GPRC5C: variants seen among roughly 807,000 people sequenced by gnomAD.
GPRC5C encodes G protein-coupled receptor family C group 5 member C.
In GPRC5C, 22 loss-of-function variants were observed where a neutral mutation model predicts 31.4. That is an observed-to-expected ratio of 0.70 (90% confidence interval 0.50 to 1.00). The LOEUF is 1.00. GPRC5C is among the 50% of genes least tolerant of loss of function. The pLI, the probability that GPRC5C is intolerant of heterozygous loss-of-function variation, is 0.00. For missense variants in GPRC5C, 557 were observed against 597.2 expected, an observed-to-expected ratio of 0.93 and a Z score of 0.70; for synonymous variants, 249 against 257.5, an observed-to-expected ratio of 0.97 and a Z score of 0.32.
intron 1 of GPRC5C, among the ~76,000 whole-genome samples, chr17:74,438,150 T>C (rs1032070729): frequency 7.0e-6 from 1 of 142,128 alleles, no homozygotes; most frequent in Non-Finnish European, 1.5e-5. Flanking sequence ...TCCTCTAACC[T>C]CAGCCTCCCA....
chr17:74,450,573 A>G (rs149442071), downstream of GPRC5C: 3 of 152,358 alleles, frequency 2.0e-5, no homozygotes, highest in South Asian at 2.1e-4. Context: ...AGACTGTGCT[A>G]TTTCCTGATG....
At chr17:74,449,730 A>C (rs2055694570), downstream of GPRC5C, 1 of 213,010 alleles carries the variant, frequency 4.7e-6, no homozygotes, top group Non-Finnish European at 9.6e-6. Context: ...CTCTGTGAAC[A>C]ACAGGCCTCA....
At chr17:74,435,167 C>G (rs1320012958) in intron 1 of GPRC5C, among the ~76,000 whole-genome samples, 1 of 152,064 alleles carries the variant, frequency 6.6e-6, no homozygotes, top group Non-Finnish European at 1.5e-5. Flanking sequence ...TGCAGTGAGC[C>G]GAGATCACGC....
intron 2 of GPRC5C, among the ~76,000 whole-genome samples, chr17:74,441,242 A>C (rs2055535141): frequency 6.6e-6 from 1 of 151,978 alleles, no homozygotes; most frequent in South Asian, 2.1e-4. Flanking sequence ...GAGCCACTAC[A>C]CTCCAGCCTG....
At chr17:74,435,265 T>C (rs2055417092) in intron 1 of GPRC5C, among the ~76,000 whole-genome samples, 1 of 152,002 alleles carries the variant, frequency 6.6e-6, no homozygotes, top group African/African-American at 2.4e-5. Flanking sequence ...ACTCCCGGCA[T>C]CAGAGGGCTG....
Position 74,440,915 on chromosome 17 carries a change from G to A in GPRC5C, c.1051+88G>A. 1 of 1,220,892 alleles carries A rather than the reference G, an allele frequency of 8.2e-7. No individual in the cohort carries two copies. The highest frequency in any genetic ancestry group is 1.1e-6 in the Non-Finnish European group (1 of 930,410). 75.6% of individuals were successfully genotyped at this position (1,220,892 alleles called of 1,614,324 possible). A position where few individuals can be genotyped will look rare whatever the true frequency, so the allele number is the denominator to read the frequency against. ...AGGGAGCCAGTCTCTTGAGCAAAAT[G>A]GAAAGTTTTTGAGGTTTTCTGTAGT... On this transcript the variant is annotated intron_variant, in intron 2 of 3. Coordinates refer to ENST00000392627, the MANE Select transcript of GPRC5C (RefSeq NM_022036.4). The surrounding 1 kb of genome is among the most constrained non-coding windows in gnomAD (Gnocchi z 4.4).
intron 1 of GPRC5C, among the ~76,000 whole-genome samples, chr17:74,436,453 T>C (rs2055432467): frequency 2.6e-5 from 4 of 152,200 alleles, no homozygotes; most frequent in Admixed American, 2.6e-4. Context: ...TTCTCTTCTG[T>C]GTTCCTGTAG....
Position 74,432,127 on chromosome 17 carries a change from C to A in GPRC5C, c.-47C>A. On this transcript the variant is annotated 5_prime_UTR_variant, in exon 1 of 4. Coordinates refer to ENST00000392627, the MANE Select transcript of GPRC5C (RefSeq NM_022036.4). ...CCCTCACCAGCCGGAAAGTACGAGT[C>A]GGCTCAGCCTGGAGGTGAGTCGGGG... 3 of 1,613,088 alleles carry A rather than the reference C, an allele frequency of 1.9e-6. No individual in the cohort carries two copies. The highest frequency in any genetic ancestry group is 2.5e-6 in the Non-Finnish European group (3 of 1,179,694).
intron 2 of GPRC5C, 180 bp from the exon 3 acceptor site, chr17:74,443,638 G>A (rs1567963222): frequency 2.9e-6 from 2 of 699,928 alleles, no homozygotes; most frequent in Non-Finnish European, 5.2e-6. Context: ...CTTGGGAGGG[G>A]GCCCCCGTGT....
chr17:74,433,448 C>A lies in GPRC5C; in HGVS notation c.-33+1307C>A, dbSNP rs369220417. Among the ~76,000 whole-genome samples, 28 of 152,276 alleles carry A rather than the reference C, an allele frequency of 1.8e-4. No individual in the cohort carries two copies. The East Asian group carries it at 4.6e-3, about 25-fold the overall frequency. On this transcript the variant is annotated intron_variant, in intron 1 of 3. Transcript: ENST00000392627. ...TAGGCTGAGGTTCGAGGAACCCCAA[C>A]CCACCCCCCACCAACCTACACACTG...
rs1476926287 is a variant in GPRC5C at position 74,439,743 on chromosome 17, A to G, written c.-32-2A>G. Reference sequence around the variant, plus strand: ...TTTTGTCCCTTTTCCTTCTGTCTCTAGGGACCCAACCAGAGCCTGGCCTGG... The same window carrying G: ...TTTTGTCCCTTTTCCTTCTGTCTCTGGGGACCCAACCAGAGCCTGGCCTGG... On this transcript the variant is annotated splice_acceptor_variant, in intron 1 of 3. Coordinates refer to ENST00000392627, the MANE Select transcript of GPRC5C (RefSeq NM_022036.4). LOFTEE classifies it low-confidence loss of function (5UTR_SPLICE). 1 of 1,599,092 alleles carries G rather than the reference A, an allele frequency of 6.3e-7. No homozygotes were observed. Among genetic ancestry groups the G allele is most frequent in the Non-Finnish European group, 8.5e-7 (1 of 1,171,710 alleles).
chr17:74,435,737 T>C (rs1306639902), intron 1 of GPRC5C, among the ~76,000 whole-genome samples: 1 of 152,232 alleles, frequency 6.6e-6, no homozygotes. Context: ...CCCAAGTGCC[T>C]GTGGGCTTCT....
At chr17:74,433,748 T>C in intron 1 of GPRC5C, 1 of 1,612,756 alleles carries the variant, frequency 6.2e-7, no homozygotes, top group Non-Finnish European at 8.5e-7. Flanking sequence ...AAGACAGCCA[T>C]TGGCCATGGG....
rs191771741 is a variant in GPRC5C at position 74,433,612 on chromosome 17, A to T, written c.-33+1471A>T. 3.0e-4 allele frequency: 300 copies of T among 990,884 alleles called. No homozygotes were observed. In the African/African-American group the frequency reaches 4.4e-3, roughly 14 times the overall value. The allele number at this position is 990,884 out of a possible 1,614,324, so 61.4% of individuals were successfully genotyped here. On this transcript the variant is annotated intron_variant, in intron 1 of 3. Transcript: ENST00000392627. ...GAGACCGATAGGAGTGGAGGCAGGA[A>T]GGCTGTCAGTCGGGCCATCGTCTTT...
At position 74,447,034 on chromosome 17, in the gene GPRC5C, C is replaced by T. The variant is rs751143034; in HGVS notation, c.*6C>T. On this transcript the variant is annotated 3_prime_UTR_variant, in exon 4 of 4. Coordinates refer to ENST00000392627, the MANE Select transcript of GPRC5C (RefSeq NM_022036.4). ...ACCCCTACGTGTGGGACTGAGTCAG[C>T]GGTGGCGAGGAGAGGCGGGCGGATT... 1.3e-5 allele frequency: 21 copies of T among 1,604,550 alleles called. No homozygotes were observed. The highest frequency in any genetic ancestry group is 2.7e-5 in the African/African-American group (2 of 74,740).
In GPRC5C at chr17:74,447,226, C is replaced by T. The variant is rs530979555; in HGVS notation, c.*198C>T. The T allele has an allele frequency of 2.6e-4, 345 of 1,327,542 alleles. 1 individual carries two copies. Among genetic ancestry groups the T allele is most frequent in the South Asian group, 5.5e-4 (27 of 49,446 alleles). The allele number at this position is 1,327,542 out of a possible 1,614,324, so 82.2% of individuals were successfully genotyped here. A position where few individuals can be genotyped will look rare whatever the true frequency, so the allele number is the denominator to read the frequency against. ...ACCCACTCCTCAGTGTTTGTGGAGT[C>T]GAGGAGCCAACCCCAGCCTCCTGCC... On this transcript the variant is annotated 3_prime_UTR_variant, in exon 4 of 4. Coordinates refer to ENST00000392627, the MANE Select transcript of GPRC5C (RefSeq NM_022036.4).
Position 74,443,912 on chromosome 17 carries a change from G to A in GPRC5C, c.1146G>A (p.Pro382=), listed in dbSNP as rs376775597. The stretch of plus-strand genomic sequence containing the variant: ...AGATGGCCCTGATGCACAAAGTTCC[G>A]GTAAGTGGGTTCCCCAGGTCCCCGT... ...PTEMALMHKV[P]SEGAYDIILP... The change falls in exon 3 of 4, where the codon CCG becomes CCA. Residue 382 remains proline, a splice_region_variant and synonymous_variant. Transcript: ENST00000392627. 41 of 1,600,952 alleles carry A rather than the reference G, an allele frequency of 2.6e-5. No individual in the cohort carries two copies. The East Asian group carries it at 3.8e-4, about 15-fold the overall frequency.
intron 2 of GPRC5C, chr17:74,443,493 G>A (rs774029090): frequency 8.3e-6 from 4 of 482,058 alleles, no homozygotes; most frequent in African/African-American, 2.0e-5. Flanking sequence ...CTCTGGCCCC[G>A]GAGGGCGGAT....
In GPRC5C at chr17:74,440,825, C is replaced by T; in HGVS notation, c.1049C>T (p.Ala350Val). The change falls in exon 2 of 4, where the codon GCA becomes GTA. Residue 350 changes from alanine (A) to valine (V), a missense_variant and splice_region_variant. Ala to Val is a moderately conservative substitution (Grantham distance 64). Coordinates refer to ENST00000392627, the MANE Select transcript of GPRC5C (RefSeq NM_022036.4). The surrounding 1 kb of genome is among the most constrained non-coding windows in gnomAD (Gnocchi z 4.4). ...NKAFSMDEPV[A>V]AKRPVSPYSG... Reference sequence around the variant, plus strand: ...GCCTTTTCCATGGATGAGCCGGTTGCAGGTGGGTCTCTGTGGATGCCCCCA... The same window carrying T: ...GCCTTTTCCATGGATGAGCCGGTTGTAGGTGGGTCTCTGTGGATGCCCCCA... 2.7e-6 allele frequency: 4 copies of T among 1,485,288 alleles called. No homozygotes were observed. Among genetic ancestry groups the T allele is most frequent in the Non-Finnish European group, 2.7e-6 (3 of 1,111,996 alleles). 92.0% of individuals were successfully genotyped at this position (1,485,288 alleles called of 1,614,324 possible).
Sources: allele counts gnomAD v4.1 joint callset (sites outside exome capture counted in the v4.1 genomes callset), GRCh38; gene constraint gnomAD v4.1.1; non-coding constraint Gnocchi (gnomAD v3.1); transcripts MANE v1.5; gene names NCBI Gene and HGNC (gene_info 2026-07-23, HGNC 2026-07-21).